Variants in VAV1 observed in about 807,000 individuals in gnomAD.
VAV1 encodes vav guanine nucleotide exchange factor 1.
A neutral mutation model predicts 128.1 loss-of-function variants in VAV1; 33 were observed. The observed-to-expected ratio is 0.26, with a 90% CI of 0.20 to 0.34. VAV1 has a LOEUF of 0.34. VAV1 is among the 10% of genes least tolerant of loss of function. The probability of loss-of-function intolerance (pLI) is 1.00; values close to 1 mark genes in which losing one functional copy is unlikely to be tolerated. For missense variants in VAV1, 715 were observed against 1,093.7 expected, an observed-to-expected ratio of 0.65 and a Z score of 4.88; for synonymous variants, 394 against 409.8, an observed-to-expected ratio of 0.96 and a Z score of 0.47.
Position 6,820,602 on chromosome 19 carries a change from AT to A in VAV1, c.205-97del. 1 of 860,254 alleles carries A rather than the reference AT, an allele frequency of 1.2e-6. No individual in the cohort carries two copies. Among genetic ancestry groups the A allele is most frequent in the Non-Finnish European group, 1.9e-6 (1 of 516,136 alleles). The allele number at this position is 860,254 out of a possible 1,614,324, so 53.3% of individuals were successfully genotyped here. A position where few individuals can be genotyped will look rare whatever the true frequency, so the allele number is the denominator to read the frequency against. On this transcript the variant is annotated intron_variant, in intron 1 of 26. Coordinates refer to ENST00000602142, the MANE Select transcript of VAV1 (RefSeq NM_005428.4). The surrounding 1 kb of genome is among the most constrained non-coding windows in gnomAD (Gnocchi z 4.4). ...TTCATGGAAGAGGGTCTGTGCTTTC[AT>A]TTCCCCTCCACACCAGTCCCCAAGC...
At chr19:6,785,341 T>G (rs1053765893) in intron 1 of VAV1, among the ~76,000 whole-genome samples, 1 of 152,138 alleles carries the variant, frequency 6.6e-6, no homozygotes, top group Non-Finnish European at 1.5e-5. Flanking sequence ...TTTTTCTTTT[T>G]TCTTTGTTTT....
At position 6,826,812 on chromosome 19, in the gene VAV1, A is replaced by G. The variant is rs1971929872; in HGVS notation, c.927+101A>G. 2 of 929,868 alleles carry G rather than the reference A, an allele frequency of 2.2e-6. No homozygotes were observed. Among genetic ancestry groups the G allele is most frequent in the African/African-American group, 3.3e-5 (2 of 60,868 alleles). The allele number at this position is 929,868 out of a possible 1,614,324, so 57.6% of individuals were successfully genotyped here. A position where few individuals can be genotyped will look rare whatever the true frequency, so the allele number is the denominator to read the frequency against. On this transcript the variant is annotated intron_variant, in intron 9 of 26. Transcript: ENST00000602142. The surrounding 1 kb of genome is among the most constrained non-coding windows in gnomAD (Gnocchi z 4.1). ...TTGCAGATGGTCCACTTTCTGCTGCAGCCCAGCCAGAGATCCACCAAAGGA... is the reference window on the plus strand; with the variant it reads ...TTGCAGATGGTCCACTTTCTGCTGCGGCCCAGCCAGAGATCCACCAAAGGA...
intron 1 of VAV1, among the ~76,000 whole-genome samples, chr19:6,804,661 C>T (rs1274634044): frequency 6.6e-6 from 1 of 151,526 alleles, no homozygotes; most frequent in African/African-American, 2.4e-5. Context: ...AGGTGTTCTG[C>T]CTGCCTTGGC....
At position 6,828,305 on chromosome 19, in the gene VAV1, C is replaced by T. The variant is rs1971967013; in HGVS notation, c.1024-114C>T. ...TGGGTCACTGGGGTCATGTCTCAGC[C>T]TCCAGGGTCAGCAGTACGATGGAGG... On this transcript the variant is annotated intron_variant, in intron 10 of 26. Coordinates refer to ENST00000602142, the MANE Select transcript of VAV1 (RefSeq NM_005428.4). The surrounding 1 kb of genome is among the most constrained non-coding windows in gnomAD (Gnocchi z 4.5). 1 of 1,530,266 alleles carries T rather than the reference C, an allele frequency of 6.5e-7. No individual in the cohort carries two copies. The allele number at this position is 1,530,266 out of a possible 1,614,324, so 94.8% of individuals were successfully genotyped here.
intron 1 of VAV1, among the ~76,000 whole-genome samples, chr19:6,780,684 G>T (rs1970750922): frequency 6.8e-6 from 1 of 146,880 alleles, no homozygotes; most frequent in Non-Finnish European, 1.5e-5. Context: ...AGATTCTCCT[G>T]CCTCAGCCTC....
At chr19:6,799,916 C>G (rs936999743) in intron 1 of VAV1, among the ~76,000 whole-genome samples, 5 of 149,746 alleles carry the variant, frequency 3.3e-5, no homozygotes, top group African/African-American at 1.2e-4. Context: ...CTGTACAAGT[C>G]TTTGTATGGA....
At chr19:6,835,852 T>A in intron 19 of VAV1, 1 of 152,006 alleles carries the variant, frequency 6.6e-6, no homozygotes, top group East Asian at 1.9e-4. Flanking sequence ...TTGAAGGACT[T>A]TTTTTTTGTT....
chr19:6,851,221 C>G (rs183622756), intron 24 of VAV1, among the ~76,000 whole-genome samples: 1 of 151,966 alleles, frequency 6.6e-6, no homozygotes, highest in Non-Finnish European at 1.5e-5. Context: ...GTTGCCCAGG[C>G]TGGAGTGCAG....
At chr19:6,832,546 T>TCTTCCTCCTCCTCTCCTTCCTCCC (rs1271976740) in intron 15 of VAV1, among the ~76,000 whole-genome samples, 16 of 128,288 alleles carry the variant, frequency 1.2e-4, no homozygotes, top group African/African-American at 4.4e-4. Context: ...TTCCTCTTCT[T>TCTTCCTCCTCCTCTCCTTCCTCCC]CTTCCTCCTC....
chr19:6,782,113 T>A (rs1970777828), intron 1 of VAV1, among the ~76,000 whole-genome samples: 1 of 152,066 alleles, frequency 6.6e-6, no homozygotes, highest in African/African-American at 2.4e-5. Flanking sequence ...GGGGATCACC[T>A]GAGGTCAGGA....
Position 6,857,181 on chromosome 19 carries a change from G to T in VAV1, c.*74G>T. 6.2e-7 allele frequency: 1 copy of T among 1,600,270 alleles called. No homozygotes were observed. The highest frequency in any genetic ancestry group is 1.1e-5 in the South Asian group (1 of 90,150). On this transcript the variant is annotated 3_prime_UTR_variant, in exon 27 of 27. Coordinates refer to ENST00000602142, the MANE Select transcript of VAV1 (RefSeq NM_005428.4). The stretch of plus-strand genomic sequence containing the variant: ...GCGTGGGCAGGCAGCGGAGCCAGGG[G>T]CTGTGACAGCTCCCGGCGGGTGGAG...
chr19:6,854,680 A>C (rs1055745229), intron 26 of VAV1, among the ~76,000 whole-genome samples: 6 of 152,138 alleles, frequency 3.9e-5, no homozygotes, highest in African/African-American at 1.4e-4. Flanking sequence ...GTGCCACTGC[A>C]GCCTGGGTGA....
intron 1 of VAV1, among the ~76,000 whole-genome samples, chr19:6,781,665 T>A (rs1970769299): frequency 6.6e-6 from 1 of 151,766 alleles, no homozygotes; most frequent in African/African-American, 2.4e-5. Flanking sequence ...TGCAGTGTAG[T>A]GGCGCAATCT....
Position 6,833,720 on chromosome 19 carries a change from G to T in VAV1, c.1718G>T (p.Gly573Val). The T allele has an allele frequency of 6.2e-7, 1 of 1,614,102 alleles. No homozygotes were observed. The highest frequency in any genetic ancestry group is 8.5e-7 in the Non-Finnish European group (1 of 1,180,028). The part of the protein sequence containing the change: ...PCGRHGQDFP[G>V]TMKKDKLHRR... ...CTTTACCCTCCCGTAGATTTCCCAG[G>T]AACTATGAAGAAGGTAAGACTTTCC... Residue 573 changes from glycine to valine, a missense_variant, in exon 18 of 27, where the codon GGA becomes GTA. This residue lies in a region of VAV1 where 407 missense variants were observed against 580.6 expected (regional missense o/e 0.70). Coordinates refer to ENST00000602142, the MANE Select transcript of VAV1 (RefSeq NM_005428.4).
chr19:6,818,002 A>C (rs2144762941), intron 1 of VAV1, among the ~76,000 whole-genome samples: 1 of 152,202 alleles, frequency 6.6e-6, no homozygotes, highest in South Asian at 2.1e-4. Flanking sequence ...TTGTTTTTGT[A>C]GAAATGGGAT....
At chr19:6,849,697 T>C (rs1461081721) in intron 23 of VAV1, among the ~76,000 whole-genome samples, 1 of 152,172 alleles carries the variant, frequency 6.6e-6, no homozygotes, top group African/African-American at 2.4e-5. Flanking sequence ...TGGCTTACTG[T>C]TTCTGTATTA....
chr19:6,827,487 G>A (rs983178743), intron 9 of VAV1, among the ~76,000 whole-genome samples: 3 of 151,972 alleles, frequency 2.0e-5, no homozygotes, highest in Non-Finnish European at 2.9e-5. Flanking sequence ...GTTATCCAGG[G>A]TGGTCTCAAA....
At chr19:6,851,198 A>T (rs1972669544) in intron 24 of VAV1, among the ~76,000 whole-genome samples, 1 of 152,000 alleles carries the variant, frequency 6.6e-6, no homozygotes, top group Admixed American at 6.6e-5. Context: ...AGAGAGAAAG[A>T]GAGTCTTGCT....
intron 6 of VAV1, 113 bp from the exon 7 acceptor site, chr19:6,824,940 G>T: frequency 8.9e-7 from 1 of 1,118,776 alleles, no homozygotes. Flanking sequence ...GTTTTTGTGT[G>T]GACGCGCTGC....
Sources: gnomAD v4.1 joint callset for allele counts (sites outside exome capture counted in the v4.1 genomes callset) on GRCh38, gnomAD v4.1.1 for gene constraint, gnomAD v4.1.1 regional missense constraint, Gnocchi (gnomAD v3.1) non-coding constraint, MANE v1.5 for transcripts, NCBI Gene and HGNC (gene_info 2026-07-23, HGNC 2026-07-21) for gene names.